The following RNF121 variants were observed in gnomAD, a reference collection of about 807,000 sequenced individuals.
RNF121 encodes ring finger protein 121, also known as E3 ubiquitin ligase RNF121.
A neutral mutation model predicts 46.5 loss-of-function variants in RNF121; 21 were observed. That is an observed-to-expected ratio of 0.45 (90% CI 0.32 to 0.65). The LOEUF (loss-of-function observed/expected upper bound fraction) is 0.65. Ranked by LOEUF, RNF121 falls within the 30% of genes least tolerant of loss-of-function variation. RNF121 has a pLI of 0.04. For synonymous variants in RNF121, 139 were observed against 144.7 expected, an observed-to-expected ratio of 0.96 and a Z score of 0.28; for missense variants, 346 against 416.0, an observed-to-expected ratio of 0.83 and a Z score of 1.46.
At chr11:71,952,450 T>A (rs561081510) in intron 1 of RNF121, among the ~76,000 whole-genome samples, 3 of 152,352 alleles carry the variant, frequency 2.0e-5, no homozygotes, top group East Asian at 3.9e-4. Flanking sequence ...CTTAATTTTT[T>A]AAAATTTTAA....
rs530574646 is a variant in RNF121, at chr11:71,951,111, C to T, written c.64-6116C>T. ...TGGTGGTGCATGCCTGTAATCTCAA[C>T]TACTCGGGACGCTGAGGTGGGAGAA... On this transcript the variant is annotated intron_variant, in intron 1 of 8. Coordinates refer to ENST00000361756, the MANE Select transcript of RNF121 (RefSeq NM_018320.5). 3.3e-5 allele frequency among the ~76,000 whole-genome samples: 5 copies of T among 151,760 alleles called. No homozygotes were observed. The South Asian group carries it at 1.0e-3, about 32-fold the overall frequency.
Position 71,996,275 on chromosome 11 carries a change from G to T in RNF121, c.944G>T (p.Gly315Val). 1 of 1,614,192 alleles carries T rather than the reference G, an allele frequency of 6.2e-7. No individual in the cohort carries two copies. The highest frequency in any genetic ancestry group is 1.7e-5 in the Admixed American group (1 of 60,022). Residue 315 changes from glycine to valine, a missense_variant, in exon 9 of 9, where the codon GGT becomes GTT. Gly to Val is a moderately radical substitution (Grantham distance 109, BLOSUM62 -3). Coordinates refer to ENST00000361756, the MANE Select transcript of RNF121 (RefSeq NM_018320.5). ...GTAGCCTGGCAGCCTGTCATCATTGGTGTAGTCCAAGGCATCAACTACATC... is the reference window on the plus strand; with the variant it reads ...GTAGCCTGGCAGCCTGTCATCATTGTTGTAGTCCAAGGCATCAACTACATC... ...YLVAWQPVII[G>V]VVQGINYILG... is the part of the protein sequence containing the mutation.
intron 6 of RNF121, among the ~76,000 whole-genome samples, chr11:71,993,268 A>T (rs1196951043): frequency 6.6e-6 from 1 of 152,242 alleles, no homozygotes; most frequent in African/African-American, 2.4e-5. Flanking sequence ...TATACAATTC[A>T]TGCATTAATT....
chr11:71,976,151 TC>T (rs1327438990), intron 3 of RNF121, among the ~76,000 whole-genome samples: 1 of 152,084 alleles, frequency 6.6e-6, no homozygotes, highest in Admixed American at 6.6e-5. Flanking sequence ...CTTCAGTTGT[TC>T]CTTATGTGAT....
At chr11:71,933,252 G>A (rs1377419652) in intron 1 of RNF121, among the ~76,000 whole-genome samples, 2 of 152,200 alleles carry the variant, frequency 1.3e-5, no homozygotes, top group Non-Finnish European at 2.9e-5. Context: ...CCTGGCTAGT[G>A]CCTGTGAATC....
At chr11:71,952,750 G>A (rs1953911988) in intron 1 of RNF121, among the ~76,000 whole-genome samples, 1 of 152,154 alleles carries the variant, frequency 6.6e-6, no homozygotes, top group Non-Finnish European at 1.5e-5. Context: ...CGGAGGTTGA[G>A]TGAGCTGACA....
chr11:71,995,473 G>T lies in RNF121; in HGVS notation c.785G>T (p.Gly262Val). The T allele has an allele frequency of 6.3e-7, 1 of 1,588,368 alleles. No individual in the cohort carries two copies. Among genetic ancestry groups the T allele is most frequent in the Non-Finnish European group, 8.6e-7 (1 of 1,165,454 alleles). The change falls in exon 8 of 9, where the codon GGC becomes GTC. Residue 262 changes from glycine to valine, a missense_variant. Physicochemically the swap from Gly to Val is moderately radical, Grantham distance 109. Coordinates refer to ENST00000361756, the MANE Select transcript of RNF121 (RefSeq NM_018320.5). ...AGCTTCCACGAGTTCTGCATCCGTG[G>T]CTGGTGCATCGTGGGAAAGAAGCAA... ...NHVFHEFCIR[G>V]WCIVGKKQTC...
chr11:71,957,414 C>T (rs561829904), intron 2 of RNF121, 150 bp downstream of exon 2: 1 of 681,718 alleles, frequency 1.5e-6, no homozygotes, highest in Non-Finnish European at 2.7e-6. Context: ...CTCTAAGTAT[C>T]TGGGTTGCTC....
rs981343293 is a variant in RNF121 at position 71,987,080 on chromosome 11, T to C, written c.475T>C (p.Phe159Leu). ...CATTGTTGGCTACATGGCTGTCATGTTTACCCTCTTTGGTCTTAACTTATT... is the reference window on the plus strand; with the variant it reads ...CATTGTTGGCTACATGGCTGTCATGCTTACCCTCTTTGGTCTTAACTTATT... The part of the protein sequence containing the change: ...TGIVGYMAVM[F>L]TLFGLNLLFK... The change falls in exon 5 of 9, where the codon TTT (phenylalanine) becomes CTT (leucine). Residue 159 changes from phenylalanine (F) to leucine (L), a missense_variant. Phe to Leu is a conservative substitution (Grantham distance 22). Coordinates refer to ENST00000361756, the MANE Select transcript of RNF121 (RefSeq NM_018320.5). 10 of 1,612,778 alleles carry C rather than the reference T, an allele frequency of 6.2e-6. No homozygotes were observed. Among genetic ancestry groups the C allele is most frequent in the Middle Eastern group, 3.3e-4 (2 of 6,080 alleles).
chr11:71,956,130 A>G (rs917022211), intron 1 of RNF121, among the ~76,000 whole-genome samples: 3 of 152,208 alleles, frequency 2.0e-5, no homozygotes, highest in Non-Finnish European at 4.4e-5. Context: ...TGTTCAACTT[A>G]TGGGACTTTC....
chr11:71,967,037 A>G lies in RNF121; in HGVS notation c.243+6146A>G, dbSNP rs376209063. 3.4e-4 allele frequency among the ~76,000 whole-genome samples: 50 copies of G among 147,242 alleles called. No individual in the cohort carries two copies. The East Asian group carries it at 8.5e-3, about 25-fold the overall frequency. On this transcript the variant is annotated intron_variant, in intron 3 of 8. Transcript: ENST00000361756. The stretch of plus-strand genomic sequence containing the variant: ...CAGGCACCCGCCACCGCGCCCGGCT[A>G]ATTTTTTGTATTTTTAGTAGAGACG...
chr11:71,964,717 A>T (rs1565151650), intron 3 of RNF121, among the ~76,000 whole-genome samples: 2 of 152,122 alleles, frequency 1.3e-5, no homozygotes, highest in African/African-American at 4.8e-5. Flanking sequence ...GAACTCAAGC[A>T]ATCCGCCTGC....
chr11:71,995,671 C>A, intron 8 of RNF121, 120 bp downstream of exon 8: 2 of 743,872 alleles, frequency 2.7e-6, no homozygotes, highest in Non-Finnish European at 4.7e-6. Flanking sequence ...ACATGTCAAA[C>A]CATGGTGGGA....
chr11:71,972,349 A>G (rs185086654), intron 3 of RNF121, among the ~76,000 whole-genome samples: 2 of 152,334 alleles, frequency 1.3e-5, no homozygotes, highest in African/African-American at 2.4e-5. Flanking sequence ...ACTGTTTGAG[A>G]TTAGCCATTA....
rs1201537010 is a variant in RNF121 at position 71,942,772 on chromosome 11, G to GTATATATATATATATATATATATA, written c.63+13666_63+13667insTATATATATATATATATATATATA. 2.6e-4 allele frequency among the ~76,000 whole-genome samples: 5 copies of GTATATATATATATATATATATATA among 18,964 alleles called. No individual in the cohort carries two copies. In the East Asian group the frequency reaches 3.3e-3, roughly 12 times the overall value. The allele number at this position is 18,964 out of a possible 152,430, so 12.4% of individuals were successfully genotyped here. On this transcript the variant is annotated intron_variant, in intron 1 of 8. Transcript: ENST00000361756. ...CTCCAAAAAAAAAATCTATATATCTGTATATATATATATATATAGATATAT... is the reference window on the plus strand; with the variant it reads ...CTCCAAAAAAAAAATCTATATATCTGTATATATATATATATATATATATATATATATATATATATATAGATATAT...
At chr11:71,968,933 T>G (rs1045436859) in intron 3 of RNF121, among the ~76,000 whole-genome samples, 1 of 147,564 alleles carries the variant, frequency 6.8e-6, no homozygotes, top group Non-Finnish European at 1.5e-5. Context: ...TTGCCCAGGC[T>G]GGAATGCAGT....
intron 3 of RNF121, among the ~76,000 whole-genome samples, chr11:71,967,349 G>GTTTTTTTT (rs770121817): frequency 8.0e-5 from 8 of 100,544 alleles, no homozygotes; most frequent in East Asian, 3.1e-4. Context: ...GGTTTTTTTT[G>GTTTTTTTT]TTTTTTTTTT....
chr11:71,958,308 A>T (rs866998052), intron 2 of RNF121, among the ~76,000 whole-genome samples: 59 of 152,330 alleles, frequency 3.9e-4, no homozygotes, highest in African/African-American at 1.4e-3. Context: ...GGCACAGGAA[A>T]ATAGTGGTAG....
intron 1 of RNF121, among the ~76,000 whole-genome samples, chr11:71,944,766 G>T (rs1458220808): frequency 6.6e-6 from 1 of 152,168 alleles, no homozygotes; most frequent in African/African-American, 2.4e-5. Flanking sequence ...GATTAAGTTT[G>T]TAGACTGAGT....
Sources: allele counts gnomAD v4.1 joint callset (sites outside exome capture counted in the v4.1 genomes callset), GRCh38; gene constraint gnomAD v4.1.1; transcripts MANE v1.5; gene names NCBI Gene and HGNC (gene_info 2026-07-23, HGNC 2026-07-21).